The following TENM3 variants were observed in gnomAD, a reference collection of about 807,000 sequenced individuals.
TENM3 encodes teneurin-3.
Under a neutral mutation model 255.1 loss-of-function variants are expected in TENM3, and 63 were observed. The observed-to-expected ratio is 0.25, with a 90% CI of 0.20 to 0.30. TENM3 has a LOEUF of 0.30. TENM3 is among the 10% of genes least tolerant of loss of function. The probability of loss-of-function intolerance (pLI) is 1.00; values close to 1 mark genes in which losing one functional copy is unlikely to be tolerated. For missense variants in TENM3, 2,929 were observed against 3,461.1 expected (o/e 0.85, Z 3.86); for synonymous variants, 1,306 against 1,322.3 (o/e 0.99, Z 0.27).
chr4:181,596,687 C>T, the TENM3 span, among the ~76,000 whole-genome samples: 27 of 152,076 alleles, frequency 1.8e-4, no homozygotes, highest in African/African-American at 5.8e-4. Flanking sequence ...AACCTAAATG[C>T]CCATCAATGA....
At chr4:181,621,036 G>C in the TENM3 span, among the ~76,000 whole-genome samples, 1 of 152,096 alleles carries the variant, frequency 6.6e-6, no homozygotes, top group Non-Finnish European at 1.5e-5. Flanking sequence ...ATTTTAACTA[G>C]TTTTTTCTCA....
chr4:182,232,534 G>A (rs1440081620), intron 1 of TENM3, among the ~76,000 whole-genome samples: 2 of 152,250 alleles, frequency 1.3e-5, no homozygotes, highest in African/African-American at 4.8e-5. Flanking sequence ...GACCATCCTG[G>A]CCAACATGGC....
intron 3 of TENM3, among the ~76,000 whole-genome samples, chr4:182,402,817 G>A (rs1387549263): frequency 6.6e-6 from 1 of 152,136 alleles, no homozygotes; most frequent in African/African-American, 2.4e-5. Context: ...TATGGTGTTG[G>A]AATATAATTT....
the TENM3 span, among the ~76,000 whole-genome samples, chr4:181,978,965 G>T: frequency 1.4e-4 from 20 of 142,920 alleles, no homozygotes; most frequent in African/African-American, 4.6e-4. Context: ...GAAGTTTATG[G>T]ATTGCTTAAG....
chr4:182,593,400 C>G (rs1248983427), intron 3 of TENM3, among the ~76,000 whole-genome samples: 1 of 152,232 alleles, frequency 6.6e-6, no homozygotes, highest in African/African-American at 2.4e-5. Context: ...CTGTCCCTCT[C>G]TGTCCTTTCT....
chr4:182,170,059 A>AT (rs1425212314), intron 1 of TENM3, among the ~76,000 whole-genome samples: 2 of 150,762 alleles, frequency 1.3e-5, no homozygotes, highest in Non-Finnish European at 2.9e-5. Context: ...ATCGCAACTG[A>AT]TTTTGCCATT....
At chr4:182,728,396 T>G (rs1349171407) in intron 13 of TENM3, among the ~76,000 whole-genome samples, 1 of 152,200 alleles carries the variant, frequency 6.6e-6, no homozygotes, top group Non-Finnish European at 1.5e-5. Flanking sequence ...ACCAATAGAT[T>G]GTTCTAATCA....
chr4:182,175,074 A>G (rs17306918), intron 1 of TENM3, among the ~76,000 whole-genome samples: 7,379 of 152,180 alleles, frequency 0.048, 242 homozygotes, highest in Non-Finnish European at 0.07. Flanking sequence ...ACATAACAAC[A>G]TTTCAGAAAA....
the TENM3 span, among the ~76,000 whole-genome samples, chr4:181,500,387 G>C: frequency 3.3e-5 from 5 of 152,098 alleles, no homozygotes; most frequent in African/African-American, 1.2e-4. Flanking sequence ...CTGACCGGGG[G>C]ATCGGGGGTG....
the TENM3 span, among the ~76,000 whole-genome samples, chr4:181,894,558 C>T: frequency 1.3e-5 from 2 of 152,010 alleles, no homozygotes; most frequent in African/African-American, 2.4e-5. Flanking sequence ...AAACAGCCAT[C>T]GGTTTATCGT....
At chr4:181,627,823 A>G in the TENM3 span, among the ~76,000 whole-genome samples, 1 of 152,218 alleles carries the variant, frequency 6.6e-6, no homozygotes, top group African/African-American at 2.4e-5. Flanking sequence ...TTATGGCAGC[A>G]TGATTTATAA....
intron 1 of TENM3, among the ~76,000 whole-genome samples, chr4:182,166,695 G>A (rs751170818): frequency 1.3e-5 from 2 of 151,946 alleles, no homozygotes; most frequent in Non-Finnish European, 2.9e-5. Context: ...GCAGTGGTGC[G>A]ATCTGAGCTC....
At chr4:181,741,657 C>G in the TENM3 span, among the ~76,000 whole-genome samples, 1 of 152,154 alleles carries the variant, frequency 6.6e-6, no homozygotes, top group Non-Finnish European at 1.5e-5. Flanking sequence ...GTTGGATGAT[C>G]AGAGTGCTGG....
chr4:182,574,353 C>T (rs953422514), intron 3 of TENM3, among the ~76,000 whole-genome samples: 1 of 152,050 alleles, frequency 6.6e-6, no homozygotes, highest in East Asian at 1.9e-4. Context: ...AAAGGATACT[C>T]ATAGGAAGGG....
At chr4:182,100,841 T>A in the TENM3 span, among the ~76,000 whole-genome samples, 4,931 of 15,872 alleles carry the variant, frequency 0.31, 1,701 homozygotes, top group East Asian at 0.44. Context: ...ATATATATAC[T>A]CATATATATA....
chr4:181,467,091 G>GTATATATATATA, the TENM3 span, among the ~76,000 whole-genome samples: 5 of 64,884 alleles, frequency 7.7e-5, no homozygotes, highest in African/African-American at 4.4e-4. Flanking sequence ...GTGCGTGTGT[G>GTATATATATATA]TGTGTGTGTG....
chr4:181,954,707 G>T, the TENM3 span, among the ~76,000 whole-genome samples: 613 of 152,104 alleles, frequency 4.0e-3, 8 homozygotes, highest in Non-Finnish European at 7.1e-3. Flanking sequence ...TAATTCTAAC[G>T]AATGTCAATT....
intron 3 of TENM3, among the ~76,000 whole-genome samples, chr4:182,425,794 G>A (rs1036261974): frequency 1.3e-5 from 2 of 152,032 alleles, no homozygotes; most frequent in Admixed American, 6.6e-5. Flanking sequence ...CGGATCACGA[G>A]GTCAGGAGAT....
At chr4:182,209,277 C>T (rs1197115573) in intron 1 of TENM3, among the ~76,000 whole-genome samples, 2 of 66,004 alleles carry the variant, frequency 3.0e-5, no homozygotes, top group African/African-American at 1.1e-4. Flanking sequence ...CCAGCTGTCC[C>T]TCTTTAAAAA....
Sources: gnomAD v4.1 joint callset for allele counts (sites outside exome capture counted in the v4.1 genomes callset) on GRCh38, gnomAD v4.1.1 for gene constraint, MANE v1.5 for transcripts, NCBI Gene and HGNC (gene_info 2026-07-23, HGNC 2026-07-21) for gene names.